CUL3: variants seen among roughly 807,000 people sequenced by gnomAD.
The protein encoded by CUL3 is cullin-3.
In CUL3, 19 loss-of-function variants were observed where a neutral mutation model predicts 89.1. That is an observed-to-expected ratio of 0.21 (90% CI 0.15 to 0.31). The LOEUF (loss-of-function observed/expected upper bound fraction) is 0.31. Among genes scored for constraint, CUL3 ranks in the 10% least tolerant of loss-of-function variants. The pLI, the probability that CUL3 is intolerant of heterozygous loss-of-function variation, is 1.00. For synonymous variants in CUL3, 351 were observed against 308.4 expected (o/e 1.14, Z -1.45); for missense variants, 469 against 942.3 (o/e 0.50, Z 6.58).
At chr2:224,505,489 G>A (rs1484565884) in intron 8 of CUL3, among the ~76,000 whole-genome samples, 3 of 152,162 alleles carry the variant, frequency 2.0e-5, no homozygotes, top group African/African-American at 7.2e-5. Flanking sequence ...AGCATAGAGT[G>A]CAGTCACGCG....
chr2:224,558,679 C>A (rs1353082173), intron 1 of CUL3, among the ~76,000 whole-genome samples: 3 of 152,106 alleles, frequency 2.0e-5, no homozygotes, highest in African/African-American at 7.2e-5. Flanking sequence ...TAACAAGAAC[C>A]CAATGTAATA....
intron 3 of CUL3, among the ~76,000 whole-genome samples, chr2:224,517,986 A>G (rs1386434235): frequency 6.6e-6 from 1 of 152,182 alleles, no homozygotes; most frequent in African/African-American, 2.4e-5. Context: ...TAATAAGTAC[A>G]ATTCGAATAC....
intron 3 of CUL3, among the ~76,000 whole-genome samples, chr2:224,516,177 C>T (rs1273767497): frequency 1.3e-5 from 2 of 152,134 alleles, no homozygotes; most frequent in African/African-American, 4.8e-5. Flanking sequence ...AAGCTCACAT[C>T]ACATTTTTGA....
At chr2:224,511,310 A>C in intron 6 of CUL3, 44 bp downstream of exon 6, 1 of 1,357,402 alleles carries the variant, frequency 7.4e-7, no homozygotes, top group South Asian at 1.4e-5. Flanking sequence ...AATATCGATA[A>C]GGCAGAGTAA....
At chr2:224,539,695 C>T (rs951053595) in intron 2 of CUL3, among the ~76,000 whole-genome samples, 9 of 151,398 alleles carry the variant, frequency 5.9e-5, no homozygotes, top group African/African-American at 2.2e-4. Context: ...GTGAAATAAG[C>T]TAATCTGAAA....
At chr2:224,576,205 G>T (rs564504522) in intron 1 of CUL3, among the ~76,000 whole-genome samples, 1 of 152,150 alleles carries the variant, frequency 6.6e-6, no homozygotes, top group East Asian at 1.9e-4. Flanking sequence ...AAAAAGATAA[G>T]CCTGAGAAAT....
At chr2:224,511,724 G>A (rs1044599262) in intron 5 of CUL3, 142 bp from the exon 6 acceptor site, 18 of 555,326 alleles carry the variant, frequency 3.2e-5, no homozygotes, top group African/African-American at 2.9e-4. Flanking sequence ...CTCATTACAC[G>A]AAAGACTGAT....
intron 5 of CUL3, among the ~76,000 whole-genome samples, chr2:224,513,316 G>C (rs1692912565): frequency 6.6e-6 from 1 of 152,116 alleles, no homozygotes; most frequent in East Asian, 1.9e-4. Context: ...AACCATGTGT[G>C]TAAGTTCAAC....
At chr2:224,559,270 T>A (rs1018841694) in intron 1 of CUL3, among the ~76,000 whole-genome samples, 5 of 151,778 alleles carry the variant, frequency 3.3e-5, no homozygotes, top group Admixed American at 2.0e-4. Context: ...GGCAATACAG[T>A]GAGACCCTGT....
At chr2:224,573,286 AT>A (rs891158653) in intron 1 of CUL3, among the ~76,000 whole-genome samples, 1 of 152,164 alleles carries the variant, frequency 6.6e-6, no homozygotes, top group African/African-American at 2.4e-5. Context: ...TATTAACCAA[AT>A]TTTTTTAATG....
chr2:224,484,024 T>C (rs550806268), intron 13 of CUL3, among the ~76,000 whole-genome samples: 13 of 152,108 alleles, frequency 8.5e-5, no homozygotes, highest in Non-Finnish European at 1.5e-4. Context: ...ATCTGCTCTC[T>C]ACCAAACATT....
intron 1 of CUL3, 36 bp from the exon 2 acceptor site, chr2:224,557,892 A>AAAC (rs1694768820): frequency 8.7e-7 from 1 of 1,145,720 alleles, no homozygotes; most frequent in Non-Finnish European, 1.2e-6. Flanking sequence ...ACAAAAAAAA[A>AAAC]AAAAAAAAAA....
intron 3 of CUL3, among the ~76,000 whole-genome samples, chr2:224,520,225 A>G (rs1294758529): frequency 6.6e-6 from 1 of 152,236 alleles, no homozygotes; most frequent in Non-Finnish European, 1.5e-5. Context: ...CCACATTTTA[A>G]ATCTCTATTT....
chr2:224,488,275 T>C (rs1691817574), intron 13 of CUL3, among the ~76,000 whole-genome samples: 1 of 147,518 alleles, frequency 6.8e-6, no homozygotes, highest in Admixed American at 6.8e-5. Flanking sequence ...AAAACAGAAC[T>C]GAAGGAGATA....
chr2:224,504,947 T>C (rs776537224), intron 8 of CUL3, among the ~76,000 whole-genome samples: 1 of 101,220 alleles, frequency 9.9e-6, no homozygotes, highest in African/African-American at 4.4e-5. Flanking sequence ...AACCATTTTC[T>C]GAGATGAGAT....
At chr2:224,475,052 C>G (rs562540913) in intron 15 of CUL3, among the ~76,000 whole-genome samples, 2 of 152,286 alleles carry the variant, frequency 1.3e-5, no homozygotes, top group African/African-American at 4.8e-5. Context: ...GAGTCTTGCT[C>G]TGTTGCCCAG....
At chr2:224,488,662 C>T (rs899707609) in intron 13 of CUL3, among the ~76,000 whole-genome samples, 25 of 152,284 alleles carry the variant, frequency 1.6e-4, no homozygotes, top group African/African-American at 6.0e-4. Flanking sequence ...GACGGATTCA[C>T]AGTCGAATTC....
At chr2:224,557,995 A>G in intron 1 of CUL3, 139 bp from the exon 2 acceptor site, 1 of 552,390 alleles carries the variant, frequency 1.8e-6, no homozygotes, top group Non-Finnish European at 3.1e-6. Flanking sequence ...ACATAAGAAC[A>G]TTAACAACCT....
chr2:224,505,162 A>C (rs993366106), intron 8 of CUL3, among the ~76,000 whole-genome samples: 1 of 130,588 alleles, frequency 7.7e-6, no homozygotes, highest in African/African-American at 2.9e-5. Context: ...TTTGAGACGG[A>C]GTTTCGCTAT....
Sources: gnomAD v4.1 joint callset for allele counts (sites outside exome capture counted in the v4.1 genomes callset) on GRCh38, gnomAD v4.1.1 for gene constraint, MANE v1.5 for transcripts, NCBI Gene and HGNC (gene_info 2026-07-23, HGNC 2026-07-21) for gene names.